Variants in PPP6R1 observed in about 807,000 individuals in gnomAD.
PPP6R1 encodes the protein serine/threonine-protein phosphatase 6 regulatory subunit 1.
A neutral mutation model predicts 104.6 loss-of-function variants in PPP6R1; 39 were observed. The observed-to-expected ratio is 0.37, with a 90% CI of 0.29 to 0.49. PPP6R1 has a LOEUF of 0.49. Ranked by LOEUF, PPP6R1 falls within the 20% of genes least tolerant of loss-of-function variation. The probability of loss-of-function intolerance (pLI) is 0.98; values close to 1 mark genes in which losing one functional copy is unlikely to be tolerated. For synonymous variants in PPP6R1, 549 were observed against 479.0 expected (o/e 1.15, Z -1.91); for missense variants, 1,181 against 1,155.8 (o/e 1.02, Z -0.32).
chr19:55,231,946 G>A lies in PPP6R1; in HGVS notation c.2162C>T (p.Thr721Ile), dbSNP rs760437186. 2.5e-6 allele frequency: 4 copies of A among 1,588,010 alleles called. No individual in the cohort carries two copies. Among genetic ancestry groups the A allele is most frequent in the Non-Finnish European group, 3.4e-6 (4 of 1,163,690 alleles). ...SWTATFDPVPTDAPTSPRVSG... is the reference protein window; with the variant it reads ...SWTATFDPVPIDAPTSPRVSG... ...GACTCGGGGGCTGGTCGGGGCATCTGTAGGCACTGGGTCAAAGGTGGCTGT... is the reference window on the plus strand; with the variant it reads ...GACTCGGGGGCTGGTCGGGGCATCTATAGGCACTGGGTCAAAGGTGGCTGT... The change falls in exon 19 of 24, where the codon ACA (threonine) becomes ATA (isoleucine). Residue 721 changes from threonine (T) to isoleucine (I), a missense_variant. Coordinates refer to ENST00000412770, the MANE Select transcript of PPP6R1 (RefSeq NM_014931.4).
chr19:55,249,058 T>C (rs892442866), intron 1 of PPP6R1, among the ~76,000 whole-genome samples: 1 of 152,170 alleles, frequency 6.6e-6, no homozygotes, highest in South Asian at 2.1e-4. Context: ...ACCTGGCCAA[T>C]GACAGTTGAG....
chr19:55,230,950 TC>T (rs761465588), intron 21 of PPP6R1, 66 bp from the exon 22 acceptor site: 2 of 1,352,318 alleles, frequency 1.5e-6, no homozygotes, highest in Non-Finnish European at 2.1e-6. Context: ...CACCCTCACA[TC>T]CCACCCGACT....
downstream of PPP6R1, chr19:55,228,599 C>T: frequency 3.3e-6 from 5 of 1,534,338 alleles, no homozygotes; most frequent in African/African-American, 1.4e-5. Context: ...AGGGCCCAAC[C>T]AACTCAAGGA....
chr19:55,243,325 AT>A, intron 5 of PPP6R1, among the ~76,000 whole-genome samples: 1 of 150,420 alleles, frequency 6.6e-6, no homozygotes, highest in Middle Eastern at 3.4e-3. Flanking sequence ...AGGCAGGAGA[AT>A]CGCTTGAACC....
chr19:55,243,196 C>T (rs540760288), intron 5 of PPP6R1, among the ~76,000 whole-genome samples: 17 of 152,040 alleles, frequency 1.1e-4, no homozygotes, highest in Admixed American at 4.6e-4. Flanking sequence ...AGGTGGATCA[C>T]GAGGTCAGGA....
chr19:55,254,288 GGAA>G (rs2087576081), intron 1 of PPP6R1, among the ~76,000 whole-genome samples: 2 of 152,184 alleles, frequency 1.3e-5, no homozygotes, highest in African/African-American at 4.8e-5. Context: ...GGCTGCAAAC[GGAA>G]GAAGGGGAAA....
At chr19:55,230,733 G>GCCC in intron 22 of PPP6R1, 41 bp downstream of exon 22, 5 of 1,390,526 alleles carry the variant, frequency 3.6e-6, no homozygotes, top group Non-Finnish European at 4.9e-6. Context: ...TGCCCCACCA[G>GCCC]CCCCACCCCC....
chr19:55,240,063 G>A lies in PPP6R1; in HGVS notation c.1413C>T (p.Ala471=), dbSNP rs183009164. Residue 471 remains alanine, a synonymous_variant, in exon 12 of 24, where the codon GCC becomes GCT. Coordinates refer to ENST00000412770, the MANE Select transcript of PPP6R1 (RefSeq NM_014931.4). ...TCTCCGTGTTCTGCACCAGGGCACC[G>A]GCCACTCTTGTCAGGTGACCCATGT... ...KGYMGHLTRV[A]GALVQNTEKG... is the part of the protein sequence containing the mutation. The A allele has an allele frequency of 2.8e-4, 451 of 1,602,430 alleles. 2 individuals carry two copies. In the East Asian group the frequency reaches 9.5e-3, roughly 34 times the overall value.
rs565946005 is a variant in PPP6R1, at chr19:55,231,421, G to A, written c.2448C>T (p.Ser816=). Residue 816 remains serine, a synonymous_variant, in exon 21 of 24, where the codon AGC becomes AGT. Transcript: ENST00000412770. ...ATFHGIRSAP[S]SSDSATRDPS... ...ACCTCGCTGCTCACCTGTCCGAGGA[G>A]CTGGGGGCAGAACGGATCCCGTGGA... 1 of 1,601,912 alleles carries A rather than the reference G, an allele frequency of 6.2e-7. No individual in the cohort carries two copies. The highest frequency in any genetic ancestry group is 1.7e-5 in the Admixed American group (1 of 58,352).
chr19:55,251,971 G>C (rs1409864974), intron 1 of PPP6R1, among the ~76,000 whole-genome samples: 5 of 151,928 alleles, frequency 3.3e-5, no homozygotes, highest in Admixed American at 6.6e-5. Context: ...GGGAGACCAA[G>C]CAGGCTGATA....
intron 15 of PPP6R1, among the ~76,000 whole-genome samples, chr19:55,238,529 C>A (rs1225810823): frequency 6.6e-6 from 1 of 151,584 alleles, no homozygotes; most frequent in East Asian, 2.0e-4. Context: ...GAGTCTCGCT[C>A]TGTTGCCCAG....
intron 21 of PPP6R1, chr19:55,231,099 G>GT: frequency 3.2e-6 from 2 of 617,078 alleles, no homozygotes; most frequent in Non-Finnish European, 2.9e-6. Flanking sequence ...TCCTGTCCCT[G>GT]TGGAGGAGGT....
chr19:55,230,664 G>T lies in PPP6R1; in HGVS notation c.2591C>A (p.Pro864His), dbSNP rs781308919. 6 of 1,604,296 alleles carry T rather than the reference G, an allele frequency of 3.7e-6. No individual in the cohort carries two copies. Among genetic ancestry groups the T allele is most frequent in the South Asian group, 1.1e-5 (1 of 89,820 alleles). ...CGGGGCAGAGCCATTGGGTATCGGA[G>T]GAGGCGTGAGGGCCTGGGCACTGTC... Reference protein sequence around the residue: ...QSQSAQALTPPPIPNGSAPEG... With the variant: ...QSQSAQALTPHPIPNGSAPEG... The change falls in exon 23 of 24, where the codon CCT becomes CAT. Residue 864 changes from proline to histidine, a missense_variant. Transcript: ENST00000412770.
downstream of PPP6R1, chr19:55,228,653 G>T: frequency 6.3e-7 from 1 of 1,597,670 alleles, no homozygotes; most frequent in Non-Finnish European, 8.5e-7. Context: ...CCAGGGCCCT[G>T]TCCCCCCAGC....
Position 55,230,450 on chromosome 19 carries a change from C to A in PPP6R1, c.*78G>T. 6.3e-7 allele frequency: 1 copy of A among 1,588,838 alleles called. No homozygotes were observed. The highest frequency in any genetic ancestry group is 8.6e-7 in the Non-Finnish European group (1 of 1,162,352). On this transcript the variant is annotated 3_prime_UTR_variant, in exon 24 of 24. Transcript: ENST00000412770. Reference sequence around the variant, plus strand: ...GGGTGATGAGGGCAATGGGGGCCATCGTGGGACCCGCCCTGCCCCCACCCC... The same window carrying A: ...GGGTGATGAGGGCAATGGGGGCCATAGTGGGACCCGCCCTGCCCCCACCCC...
intron 15 of PPP6R1, among the ~76,000 whole-genome samples, chr19:55,237,941 C>T (rs1251839161): frequency 6.6e-6 from 1 of 152,214 alleles, no homozygotes; most frequent in Non-Finnish European, 1.5e-5. Context: ...ACTTCTTAAC[C>T]CCTCTGGAAT....
Position 55,239,158 on chromosome 19 carries a change from T to C in PPP6R1, c.1751+247A>G, listed in dbSNP as rs191053538. On this transcript the variant is annotated intron_variant, in intron 15 of 23. Transcript: ENST00000412770. The stretch of plus-strand genomic sequence containing the variant: ...GTGTCCCCAGCACAGAAGATGTTTG[T>C]GCCCCACCCTCATGGCCTGCCTCTC... 913 of 521,050 alleles carry C rather than the reference T, an allele frequency of 1.8e-3. 4 individuals are homozygous for C. Among genetic ancestry groups the C allele is most frequent in the Admixed American group, 2.6e-3 (83 of 31,514 alleles). 32.3% of individuals were successfully genotyped at this position (521,050 alleles called of 1,614,324 possible). A position where few individuals can be genotyped will look rare whatever the true frequency, so the allele number is the denominator to read the frequency against.
chr19:55,245,335 G>A lies in PPP6R1; in HGVS notation c.482C>T (p.Ala161Val), dbSNP rs1193322162. The change falls in exon 4 of 24, where the codon GCC (alanine) becomes GTC (valine). Residue 161 changes from alanine to valine, a missense_variant. Physicochemically the swap from Ala to Val is moderately conservative, Grantham distance 64. This residue lies in a region of PPP6R1 where 1,042 missense variants were observed against 955.6 expected (regional missense o/e 1.09). Coordinates refer to ENST00000412770, the MANE Select transcript of PPP6R1 (RefSeq NM_014931.4). This position sits in a 1 kb window ranked among gnomAD's most constrained non-coding sequence, Gnocchi z 6.4. ...DLLLQHIGTS[A>V]IMDLLLRLLT... ...CAGGCGCAGCAGGAGGTCCATGATG[G>A]CCGAGGTGCCAATGTGCTGCAGCAG... is the stretch of plus-strand genomic sequence containing the variant. The A allele has an allele frequency of 6.2e-7, 1 of 1,611,048 alleles. No homozygotes were observed. The highest frequency in any genetic ancestry group is 8.5e-7 in the Non-Finnish European group (1 of 1,178,818).
chr19:55,244,992 C>T (rs933364434), intron 5 of PPP6R1, 128 bp downstream of exon 5: 1 of 1,384,236 alleles, frequency 7.2e-7, no homozygotes, highest in African/African-American at 1.4e-5. Context: ...CCCACCTCGC[C>T]CTCCCAAAGT....
Sources: allele counts gnomAD v4.1 joint callset (sites outside exome capture counted in the v4.1 genomes callset), GRCh38; gene constraint gnomAD v4.1.1; regional missense constraint gnomAD v4.1.1; non-coding constraint Gnocchi (gnomAD v3.1); transcripts MANE v1.5; gene names NCBI Gene and HGNC (gene_info 2026-07-23, HGNC 2026-07-21).